SIRPG: variants seen among roughly 807,000 people sequenced by gnomAD.
SIRPG encodes the protein signal regulatory protein gamma.
Under a neutral mutation model 35.7 loss-of-function variants are expected in SIRPG, and 38 were observed. The observed-to-expected ratio is 1.06, with a 90% CI of 0.82 to 1.40. SIRPG has a LOEUF of 1.40. SIRPG is among the 40% of genes most tolerant of loss of function. The pLI, the probability that SIRPG is intolerant of heterozygous loss-of-function variation, is 0.00. For missense variants in SIRPG, 519 were observed against 483.0 expected, an observed-to-expected ratio of 1.07 and a Z score of -0.70; for synonymous variants, 215 against 190.4, an observed-to-expected ratio of 1.13 and a Z score of -1.06.
chr20:1,685,015 G>A, the SIRPG span, among the ~76,000 whole-genome samples: 1 of 152,206 alleles, frequency 6.6e-6, no homozygotes, highest in Admixed American at 6.5e-5. Context: ...TCTAGGACCT[G>A]TGAGGTGACT....
the SIRPG span, chr20:1,669,944 TG>T: frequency 9.1e-6 from 2 of 220,286 alleles, no homozygotes; most frequent in South Asian, 8.7e-5. Flanking sequence ...CTGCTCCTGG[TG>T]GGCTGAGACC....
chr20:1,679,513 T>C, the SIRPG span, among the ~76,000 whole-genome samples: 1 of 152,098 alleles, frequency 6.6e-6, no homozygotes, highest in Non-Finnish European at 1.5e-5. Context: ...TGCCTGGGGT[T>C]CCAATCTGTC....
intron 1 of SIRPG, among the ~76,000 whole-genome samples, chr20:1,650,004 GTATATATATA>G (rs71193923): frequency 4.0e-5 from 4 of 98,836 alleles, no homozygotes; most frequent in African/African-American, 1.6e-4. Context: ...TTTGAAGTGT[GTATATATATA>G]TATATATATA....
the SIRPG span, among the ~76,000 whole-genome samples, chr20:1,664,824 G>T: frequency 6.6e-6 from 1 of 152,138 alleles, no homozygotes; most frequent in Non-Finnish European, 1.5e-5. Context: ...CCTGAGTCCT[G>T]GCGCCCTTTC....
the SIRPG span, among the ~76,000 whole-genome samples, chr20:1,664,171 A>G: frequency 6.6e-6 from 1 of 152,252 alleles, no homozygotes; most frequent in Non-Finnish European, 1.5e-5. Context: ...GCACCAAGTC[A>G]TTCATGATGT....
chr20:1,630,799 G>C (rs536500759), intron 4 of SIRPG: 3 of 153,658 alleles, frequency 2.0e-5, no homozygotes, highest in South Asian at 4.0e-4. Flanking sequence ...ACTATAAAAG[G>C]GTAGGCAGGT....
chr20:1,680,213 G>A, the SIRPG span, among the ~76,000 whole-genome samples: 3 of 152,178 alleles, frequency 2.0e-5, no homozygotes, highest in East Asian at 1.9e-4. Context: ...TTTCATGCCT[G>A]TTGGAGTCTC....
rs1430296364 is a variant in SIRPG at position 1,635,443 on chromosome 20, T to C, written c.905A>G (p.Glu302Gly). The change falls in exon 4 of 6, where the codon GAG (glutamate) becomes GGG (glycine). Residue 302 changes from glutamate (E) to glycine (G), a missense_variant. Coordinates refer to ENST00000303415, the MANE Select transcript of SIRPG (RefSeq NM_018556.4). ...CQRETASTLT[E>G]NKDGTYNWTS... ...CCAGTTGTAGGTACCATCCTTGTTC[T>C]CTGTAAGGGTCGAGGCTGTTTCTCT... 1 of 1,614,020 alleles carries C rather than the reference T, an allele frequency of 6.2e-7. No individual in the cohort carries two copies. The highest frequency in any genetic ancestry group is 8.5e-7 in the Non-Finnish European group (1 of 1,180,008).
chr20:1,630,319 G>A lies in SIRPG; in HGVS notation c.1082-13C>T, dbSNP rs771093174. On this transcript the variant is annotated splice_polypyrimidine_tract_variant and intron_variant, in intron 4 of 5. Coordinates refer to ENST00000303415, the MANE Select transcript of SIRPG (RefSeq NM_018556.4). ...GATGATGCCGGGCCTGGAAATCAGG[G>A]AAGACGAGGGGCTATGAGAGAGACC... is the stretch of plus-strand genomic sequence containing the variant. The A allele has an allele frequency of 5.8e-6, 9 of 1,547,810 alleles. No individual in the cohort carries two copies. Among genetic ancestry groups the A allele is most frequent in the Non-Finnish European group, 7.0e-6 (8 of 1,143,522 alleles).
chr20:1,632,007 T>C (rs1600190741), intron 4 of SIRPG, among the ~76,000 whole-genome samples: 1 of 152,076 alleles, frequency 6.6e-6, no homozygotes, highest in Admixed American at 6.6e-5. Context: ...GAATAGAGGG[T>C]TGGGCCCTGG....
chr20:1,659,844 C>T (rs939014808), upstream of SIRPG, among the ~76,000 whole-genome samples: 4 of 152,318 alleles, frequency 2.6e-5, no homozygotes, highest in Admixed American at 1.3e-4. Flanking sequence ...GGGCAGGTGC[C>T]ATGCTCCACG....
At chr20:1,646,859 C>T (rs2091901570) in intron 2 of SIRPG, 1 of 152,168 alleles carries the variant, frequency 6.6e-6, no homozygotes, top group Non-Finnish European at 1.5e-5. Flanking sequence ...GTTGGTTAGG[C>T]TGGTCTTGAA....
At chr20:1,682,796 T>A in the SIRPG span, among the ~76,000 whole-genome samples, 3 of 152,254 alleles carry the variant, frequency 2.0e-5, no homozygotes, top group East Asian at 3.9e-4. Flanking sequence ...GTCTAGGCAA[T>A]CAGTTTCTAG....
rs781713665 is a variant in SIRPG at position 1,636,279 on chromosome 20, G to A, written c.657C>T (p.Asp219=). The A allele has an allele frequency of 6.8e-6, 11 of 1,614,102 alleles. No homozygotes were observed. Among genetic ancestry groups the A allele is most frequent in the African/African-American group, 6.7e-5 (5 of 74,926 alleles). Residue 219 remains aspartate, a synonymous_variant, in exon 3 of 6, where the codon GAC becomes GAT. Coordinates refer to ENST00000303415, the MANE Select transcript of SIRPG (RefSeq NM_018556.4). ...STARVVLDPW[D]VRSQVICEVA... ...CCTCGCAGATGACCTGAGAGCGAAC[G>A]TCCCAGGGGTCCAGTACCACCCTGG...
At chr20:1,657,932 T>C (rs963168), upstream of SIRPG, among the ~76,000 whole-genome samples, 37,069 of 152,126 alleles carry the variant, frequency 0.24, 5,283 homozygotes, top group East Asian at 0.62. Context: ...TTCAGGATAA[T>C]CAGACAGGGT....
At chr20:1,630,565 T>C (rs1411364841) in intron 4 of SIRPG, 2 of 411,016 alleles carry the variant, frequency 4.9e-6, no homozygotes, top group South Asian at 5.9e-5. Context: ...CAGGTATTCA[T>C]ACATGTGGCA....
chr20:1,635,601 T>C lies in SIRPG; in HGVS notation c.749-2A>G, dbSNP rs1167420480. Reference sequence around the variant, plus strand: ...GAGTAACCTCCAAGGTGGGTGGAACTGAAACAGCACAGGGTAGAAGCTCTG... The same window carrying C: ...GAGTAACCTCCAAGGTGGGTGGAACCGAAACAGCACAGGGTAGAAGCTCTG... On this transcript the variant is annotated splice_acceptor_variant, in intron 3 of 5. Transcript: ENST00000303415. LOFTEE classifies it high-confidence loss of function. 6.2e-7 allele frequency: 1 copy of C among 1,613,852 alleles called. No homozygotes were observed. The highest frequency in any genetic ancestry group is 8.5e-7 in the Non-Finnish European group (1 of 1,179,796).
At chr20:1,638,562 CA>C (rs2091823230) in intron 2 of SIRPG, 1 of 152,060 alleles carries the variant, frequency 6.6e-6, no homozygotes, top group Non-Finnish European at 1.5e-5. Flanking sequence ...AAGCTGGAAG[CA>C]TTTTGGAAGG....
At chr20:1,652,815 C>T (rs1321002415) in intron 1 of SIRPG, among the ~76,000 whole-genome samples, 2 of 152,160 alleles carry the variant, frequency 1.3e-5, no homozygotes, top group Non-Finnish European at 2.9e-5. Context: ...TCTTTCTCTG[C>T]AGTGGATGTA....
Sources: gnomAD v4.1 joint callset for allele counts (sites outside exome capture counted in the v4.1 genomes callset) on GRCh38, gnomAD v4.1.1 for gene constraint, MANE v1.5 for transcripts, NCBI Gene and HGNC (gene_info 2026-07-23, HGNC 2026-07-21) for gene names.